GFAP: variants seen among roughly 807,000 people sequenced by gnomAD.
GFAP encodes the protein intermediate filament protein.
GFAP carries 38 observed loss-of-function variants against 49.3 expected under a neutral mutation model. The ratio of observed to expected loss-of-function variants is 0.77; its 90% CI spans 0.60 to 1.01. The LOEUF is 1.01. Among genes scored for constraint, GFAP ranks in the 50% least tolerant of loss-of-function variants. GFAP has a pLI of 0.00. For synonymous variants in GFAP, 222 were observed against 236.4 expected, an observed-to-expected ratio of 0.94 and a Z score of 0.56; for missense variants, 463 against 579.1, an observed-to-expected ratio of 0.80 and a Z score of 2.06.
chr17:44,904,293 A>G lies in GFAP; in HGVS notation c.*3054T>C, dbSNP rs991422179. On this transcript the variant is annotated 3_prime_UTR_variant, in exon 9 of 9. Transcript: ENST00000588735. ...GTGGCCACTTTCCAGGACAAGGGCC[A>G]GGAGCCCTTTGCAGATGAATACTAT... is the stretch of plus-strand genomic sequence containing the variant. The G allele has an allele frequency of 2.9e-5, 45 of 1,548,698 alleles. 1 individual carries two copies. In the East Asian group the frequency reaches 1.0e-3, roughly 35 times the overall value.
chr17:44,906,787 T>G lies in GFAP; in HGVS notation c.*560A>C. 3.4e-5 allele frequency: 6 copies of G among 176,364 alleles called. No homozygotes were observed. The highest frequency in any genetic ancestry group is 1.2e-4 in the South Asian group (1 of 8,032). 10.9% of individuals were successfully genotyped at this position (176,364 alleles called of 1,614,324 possible). On this transcript the variant is annotated 3_prime_UTR_variant, in exon 9 of 9. Coordinates refer to ENST00000588735, the MANE Select transcript of GFAP (RefSeq NM_002055.5). The stretch of plus-strand genomic sequence containing the variant: ...TGGGTAGACTGCTTGAGCCCAGGAG[T>G]TCAAGGTCAGCCTAGGCAGCATAGG...
At position 44,910,795 on chromosome 17, in the gene GFAP, C is replaced by T. The variant is rs968490398; in HGVS notation, c.1128-137G>A. 3.1e-6 allele frequency: 4 copies of T among 1,299,690 alleles called. No individual in the cohort carries two copies. The African/African-American group carries it at 5.9e-5, about 19-fold the overall frequency. The allele number at this position is 1,299,690 out of a possible 1,614,324, so 80.5% of individuals were successfully genotyped here. On this transcript the variant is annotated intron_variant, in intron 6 of 8. Coordinates refer to ENST00000588735, the MANE Select transcript of GFAP (RefSeq NM_002055.5). The stretch of plus-strand genomic sequence containing the variant: ...GTCTAACTCCATCTCCTAGCTTTTT[C>T]CCCAGCAGCCAACGTGCTATCTGGA...
chr17:44,907,630 G>A, intron 8 of GFAP: 1 of 607,388 alleles, frequency 1.6e-6, no homozygotes, highest in Non-Finnish European at 3.0e-6. Flanking sequence ...TCCCACTGTG[G>A]TTGGAGTGGC....
chr17:44,907,821 G>C lies in GFAP; in HGVS notation c.1257+243C>G, dbSNP rs115319963. On this transcript the variant is annotated intron_variant, in intron 8 of 8. Coordinates refer to ENST00000588735, the MANE Select transcript of GFAP (RefSeq NM_002055.5). Reference sequence around the variant, plus strand: ...CCCCCGAGTTTGAGGGTGAGAAAGAGAGAGTGTGTATTAGGATCCCATCTA... The same window carrying C: ...CCCCCGAGTTTGAGGGTGAGAAAGACAGAGTGTGTATTAGGATCCCATCTA... The C allele has an allele frequency of 1.5e-3, 932 of 609,074 alleles. 8 individuals are homozygous for C. In the African/African-American group the frequency reaches 0.016, roughly 10 times the overall value. The allele number at this position is 609,074 out of a possible 1,614,324, so 37.7% of individuals were successfully genotyped here.
At position 44,911,331 on chromosome 17, in the gene GFAP, G is replaced by A; in HGVS notation, c.1032C>T (p.Arg344=). The A allele has an allele frequency of 6.2e-7, 1 of 1,614,214 alleles. No homozygotes were observed. Among genetic ancestry groups the A allele is most frequent in the Non-Finnish European group, 8.5e-7 (1 of 1,180,022 alleles). Residue 344 remains arginine (R), a synonymous_variant, in exon 6 of 9, where the codon CGC becomes CGT. Transcript: ENST00000588735. ...GCAGGTCCTGGTACTCCTGCAAGTG[G>A]CGGGCCATCTCGTCCTTGAGGCTCT... The part of the protein sequence containing the change: ...EGQSLKDEMA[R]HLQEYQDLLN...
At position 44,915,358 on chromosome 17, in the gene GFAP, G is replaced by A. The variant is rs929076777; in HGVS notation, c.129C>T (p.Pro43=). 3.7e-6 allele frequency: 6 copies of A among 1,611,376 alleles called. No individual in the cohort carries two copies. The change falls in exon 1 of 9, where the codon CCC becomes CCT. Residue 43 remains proline, a synonymous_variant. Transcript: ENST00000588735. The surrounding 1 kb of genome is among the most constrained non-coding windows in gnomAD (Gnocchi z 4.1). Reference sequence around the variant, plus strand: ...AATCCACCCGGGTCGGGAGTGGAGGGGGCATTCGAGCCAGGGAGAGGCGGG... The same window carrying A: ...AATCCACCCGGGTCGGGAGTGGAGGAGGCATTCGAGCCAGGGAGAGGCGGG... ...PGTRLSLARM[P]PPLPTRVDFS...
In GFAP at chr17:44,915,323, G is replaced by A. The variant is rs750371041; in HGVS notation, c.164C>T (p.Ala55Val). The A allele has an allele frequency of 6.2e-7, 1 of 1,613,392 alleles. No individual in the cohort carries two copies. Among genetic ancestry groups the A allele is most frequent in the Non-Finnish European group, 8.5e-7 (1 of 1,179,474 alleles). Residue 55 changes from alanine (A) to valine (V), a missense_variant, in exon 1 of 9, where the codon GCT (alanine) becomes GTT (valine). By Grantham distance (64) the Ala-to-Val change is moderately conservative (BLOSUM62 0). Around this residue, in one of 3 missense-constraint regions of GFAP, gnomAD observed 89 missense variants for 87.5 expected, o/e 1.02. Transcript: ENST00000588735. The surrounding 1 kb of genome is among the most constrained non-coding windows in gnomAD (Gnocchi z 4.1). ...PLPTRVDFSL[A>V]GALNAGFKET... is the part of the protein sequence containing the mutation. ...CTTGAAGCCAGCATTGAGTGCCCCAGCCAGGGAGAAATCCACCCGGGTCGG... is the reference window on the plus strand; with the variant it reads ...CTTGAAGCCAGCATTGAGTGCCCCAACCAGGGAGAAATCCACCCGGGTCGG...
intron 7 of GFAP, chr17:44,910,349 A>G (rs2051731585): frequency 6.2e-7 from 1 of 1,611,656 alleles, no homozygotes; most frequent in Admixed American, 1.7e-5. Flanking sequence ...GGCAGATGTC[A>G]AGCTCTCACC....
rs2051636034 is a variant in GFAP at position 44,905,168 on chromosome 17, T to A, written c.*2179A>T. 6.4e-6 allele frequency: 6 copies of A among 934,512 alleles called. No homozygotes were observed. The South Asian group carries it at 8.6e-5, about 13-fold the overall frequency. The allele number at this position is 934,512 out of a possible 1,614,324, so 57.9% of individuals were successfully genotyped here. ...GGGTACCCTGGGTTGGGACAGGTGG[T>A]AGGAACATGTGGACAAATCTGTTAC... On this transcript the variant is annotated 3_prime_UTR_variant, in exon 9 of 9. Transcript: ENST00000588735.
intron 8 of GFAP, 46 bp downstream of exon 8, chr17:44,908,018 T>A: frequency 7.4e-7 from 1 of 1,355,802 alleles, no homozygotes; most frequent in Non-Finnish European, 1.1e-6. Flanking sequence ...GCCTTGAGAA[T>A]CCCTGGGGCC....
At chr17:44,911,075 A>C (rs761729056) in intron 6 of GFAP, among the ~76,000 whole-genome samples, 161 bp downstream of exon 6, 1 of 152,182 alleles carries the variant, frequency 6.6e-6, no homozygotes, top group Non-Finnish European at 1.5e-5. Flanking sequence ...TCAAACATCT[A>C]GTGACTGCCT....
intron 7 of GFAP, chr17:44,910,051 G>A: frequency 6.2e-7 from 1 of 1,606,858 alleles, no homozygotes; most frequent in South Asian, 1.1e-5. Flanking sequence ...TGGGAAGAGG[G>A]AACTCAGGGG....
In GFAP at chr17:44,915,059, T is replaced by C. The variant is rs529014360; in HGVS notation, c.428A>G (p.Asn143Ser). 5.0e-6 allele frequency: 8 copies of C among 1,612,926 alleles called. No homozygotes were observed. The highest frequency in any genetic ancestry group is 4.4e-5 in the South Asian group (4 of 91,076). The change falls in exon 1 of 9, where the codon AAT becomes AGT. Residue 143 changes from asparagine (N) to serine (S), a missense_variant. Transcript: ENST00000588735. This position sits in a 1 kb window ranked among gnomAD's most constrained non-coding sequence, Gnocchi z 4.1. ...NSARLEVERD[N>S]LAQDLATVRQ... is the part of the protein sequence containing the mutation. ...CACAGTGGCCAGGTCCTGTGCCAGA[T>C]TGTCCCTCTCAACCTCCAGCCGGGC... is the stretch of plus-strand genomic sequence containing the variant.
intron 6 of GFAP, 53 bp from the exon 7 acceptor site, chr17:44,910,711 G>C: frequency 6.4e-7 from 1 of 1,563,270 alleles, no homozygotes; most frequent in Non-Finnish European, 8.7e-7. Context: ...ACACCCCTAG[G>C]CTGGGTCTTG....
rs553642288 is a variant in GFAP at position 44,912,119 on chromosome 17, T to G, written c.781-322A>C. ...TGGGTGTTTTGTGTGTTTTTGTTTT[T>G]TTGTTTTTTTTGTTTTATTTTGAGA... On this transcript the variant is annotated intron_variant, in intron 4 of 8. Coordinates refer to ENST00000588735, the MANE Select transcript of GFAP (RefSeq NM_002055.5). 7.2e-3 allele frequency among the ~76,000 whole-genome samples: 1,057 copies of G among 147,822 alleles called. 9 individuals are homozygous for G. Among genetic ancestry groups the G allele is most frequent in the African/African-American group, 0.017 (661 of 37,952 alleles).
chr17:44,914,850 G>A, intron 1 of GFAP, 176 bp downstream of exon 1: 1 of 625,972 alleles, frequency 1.6e-6, no homozygotes, highest in Non-Finnish European at 2.8e-6. Context: ...CCGGGGCCCT[G>A]GGCCTGTTTC....
At position 44,913,793 on chromosome 17, in the gene GFAP, C is replaced by A. The variant is rs200072112; in HGVS notation, c.553G>T (p.Asp185Tyr). Residue 185 changes from aspartate to tyrosine, a missense_variant, in exon 3 of 9, where the codon GAT becomes TAT. Asp to Tyr is a radical substitution (Grantham distance 160). Coordinates refer to ENST00000588735, the MANE Select transcript of GFAP (RefSeq NM_002055.5). ...EADEATLARL[D>Y]LERKIESLEE... ...AGCGACTCAATCTTCCTCTCCAGATCCAGACGGGCCAGGGTGGCTTCATCT... is the reference window on the plus strand; with the variant it reads ...AGCGACTCAATCTTCCTCTCCAGATACAGACGGGCCAGGGTGGCTTCATCT... 6.2e-7 allele frequency: 1 copy of A among 1,614,184 alleles called. No individual in the cohort carries two copies. The highest frequency in any genetic ancestry group is 8.5e-7 in the Non-Finnish European group (1 of 1,179,998).
Position 44,906,533 on chromosome 17 carries a change from A to T in GFAP, c.*814T>A, listed in dbSNP as rs3744470. Reference sequence around the variant, plus strand: ...CCCAAGTGCTGAGAATCAAGCTCCCACCTGCCCACAGCGTGCCCACAGATG... The same window carrying T: ...CCCAAGTGCTGAGAATCAAGCTCCCTCCTGCCCACAGCGTGCCCACAGATG... On this transcript the variant is annotated 3_prime_UTR_variant, in exon 9 of 9. Transcript: ENST00000588735. 0.12 allele frequency: 18,636 copies of T among 152,462 alleles called. 1,229 individuals carry two copies. The highest frequency in any genetic ancestry group is 0.24 in the East Asian group (1,258 of 5,152). The allele number at this position is 152,462 out of a possible 1,614,324, so 9.4% of individuals were successfully genotyped here.
chr17:44,911,629 G>C (rs751994225), intron 5 of GFAP, 43 bp downstream of exon 5: 1 of 1,604,504 alleles, frequency 6.2e-7, no homozygotes, highest in South Asian at 1.1e-5. Flanking sequence ...TGGGGTGGCC[G>C]TCCCTGCTCC....
Sources: gnomAD v4.1 joint callset for allele counts (sites outside exome capture counted in the v4.1 genomes callset) on GRCh38, gnomAD v4.1.1 for gene constraint, gnomAD v4.1.1 regional missense constraint, Gnocchi (gnomAD v3.1) non-coding constraint, MANE v1.5 for transcripts, NCBI Gene and HGNC (gene_info 2026-07-23, HGNC 2026-07-21) for gene names.